The following GRXCR2 variants were observed in gnomAD, a reference collection of about 807,000 sequenced individuals.
The protein encoded by GRXCR2 is glutaredoxin domain-containing cysteine-rich protein 2.
In GRXCR2, 23 loss-of-function variants were observed where a neutral mutation model predicts 24.8. The observed-to-expected ratio is 0.93, with a 90% CI of 0.67 to 1.32. The LOEUF (loss-of-function observed/expected upper bound fraction) is 1.32. Ranked by LOEUF, GRXCR2 falls within the 40% of genes most tolerant of loss-of-function variation. The probability of loss-of-function intolerance (pLI) is 0.00; values close to 1 mark genes in which losing one functional copy is unlikely to be tolerated. For missense variants in GRXCR2, 315 were observed against 303.4 expected, an observed-to-expected ratio of 1.04 and a Z score of -0.28; for synonymous variants, 130 against 116.1, an observed-to-expected ratio of 1.12 and a Z score of -0.77.
chr5:145,905,052 A>G (rs978894641), intron 2 of GRXCR2, among the ~76,000 whole-genome samples: 1 of 152,196 alleles, frequency 6.6e-6, no homozygotes, highest in Non-Finnish European at 1.5e-5. Context: ...TCACACATCC[A>G]TGCTCAGAGC....
intron 2 of GRXCR2, among the ~76,000 whole-genome samples, chr5:145,881,941 T>A (rs1756708445): frequency 1.3e-5 from 2 of 152,192 alleles, no homozygotes; most frequent in Non-Finnish European, 2.9e-5. Context: ...ATTTCATAAA[T>A]GGTGCTGAGG....
In GRXCR2 at chr5:145,901,153, G is replaced by A. The variant is rs192321643; in HGVS notation, c.-69-34425C>T. Among the ~76,000 whole-genome samples, 749 of 141,800 alleles carry A rather than the reference G, an allele frequency of 5.3e-3. 5 individuals carry two copies. The highest frequency in any genetic ancestry group is 0.018 in the African/African-American group (695 of 39,494). The allele number at this position is 141,800 out of a possible 152,430, so 93.0% of individuals were successfully genotyped here. ...AGACACTGGGGACTACTAGAGGGGG[G>A]AAGGAGGGAGGGGGGCAAGAGTTGA... On this transcript the variant is annotated intron_variant, in intron 2 of 3. Transcript: ENST00000639411.
chr5:145,923,696 T>C (rs1225808153), intron 2 of GRXCR2, among the ~76,000 whole-genome samples: 1 of 152,214 alleles, frequency 6.6e-6, no homozygotes, highest in African/African-American at 2.4e-5. Flanking sequence ...ATCACTGGTA[T>C]GTATCCTTAC....
intron 2 of GRXCR2, among the ~76,000 whole-genome samples, chr5:145,883,910 C>T (rs1343231706): frequency 6.6e-6 from 1 of 152,126 alleles, no homozygotes; most frequent in Non-Finnish European, 1.5e-5. Context: ...AGTAAAATCC[C>T]TCATCACAAA....
intron 2 of GRXCR2, among the ~76,000 whole-genome samples, chr5:145,924,406 T>A (rs1221833313): frequency 2.0e-5 from 3 of 152,192 alleles, no homozygotes; most frequent in Non-Finnish European, 4.4e-5. Flanking sequence ...TTTATCTCAA[T>A]AATAATACTA....
chr5:145,897,681 T>G (rs449180), intron 2 of GRXCR2, among the ~76,000 whole-genome samples: 3,130 of 152,040 alleles, frequency 0.021, 107 homozygotes, highest in African/African-American at 0.072. Flanking sequence ...CAAAACCACA[T>G]AATAATATGG....
intron 2 of GRXCR2, among the ~76,000 whole-genome samples, chr5:145,897,672 A>C (rs1212309859): frequency 6.6e-6 from 1 of 152,152 alleles, no homozygotes; most frequent in East Asian, 1.9e-4. Context: ...AAGATATCTC[A>C]AAACCACATA....
chr5:145,859,710 A>C lies in GRXCR2; in HGVS notation c.*23T>G. The C allele has an allele frequency of 6.2e-7, 1 of 1,611,722 alleles. No homozygotes were observed. The highest frequency in any genetic ancestry group is 8.5e-7 in the Non-Finnish European group (1 of 1,177,872). On this transcript the variant is annotated 3_prime_UTR_variant, in exon 3 of 3. Coordinates refer to ENST00000377976, the MANE Select transcript of GRXCR2 (RefSeq NM_001080516.2). Reference sequence around the variant, plus strand: ...ATAACTTTAGGGAGGGTAAGATAACAGTGGACATGCAAAAGCCACGGGCTA... The same window carrying C: ...ATAACTTTAGGGAGGGTAAGATAACCGTGGACATGCAAAAGCCACGGGCTA...
chr5:145,903,040 G>A (rs997963141), intron 2 of GRXCR2, among the ~76,000 whole-genome samples: 1 of 151,906 alleles, frequency 6.6e-6, no homozygotes, highest in African/African-American at 2.4e-5. Context: ...ATGATTTTTT[G>A]CCTTAGAACA....
intron 2 of GRXCR2, among the ~76,000 whole-genome samples, chr5:145,865,611 AAG>A (rs1561675868): frequency 6.6e-6 from 1 of 152,206 alleles, no homozygotes. Flanking sequence ...ACCCTGGAGT[AAG>A]AGTGATGTTC....
intron 2 of GRXCR2, among the ~76,000 whole-genome samples, chr5:145,894,644 G>C (rs1005788904): frequency 4.6e-5 from 7 of 152,106 alleles, no homozygotes; most frequent in Admixed American, 2.0e-4. Context: ...ATAGTTAATA[G>C]CTTACCAACC....
chr5:145,913,710 ACACCGTTT>A (rs1220233168), intron 2 of GRXCR2, among the ~76,000 whole-genome samples: 1 of 152,130 alleles, frequency 6.6e-6, no homozygotes, highest in Non-Finnish European at 1.5e-5. Flanking sequence ...ATAAATAGAG[ACACCGTTT>A]CATCATGTCG....
At chr5:145,882,304 G>T (rs1756713794) in intron 2 of GRXCR2, among the ~76,000 whole-genome samples, 1 of 152,120 alleles carries the variant, frequency 6.6e-6, no homozygotes, top group South Asian at 2.1e-4. Flanking sequence ...AATCTACAAT[G>T]AACTCAAACA....
chr5:145,859,716 C>T lies in GRXCR2; in HGVS notation c.*17G>A, dbSNP rs376451689. 11 of 1,612,850 alleles carry T rather than the reference C, an allele frequency of 6.8e-6. No homozygotes were observed. In the Admixed American group the frequency reaches 1.5e-4, roughly 22 times the overall value. ...TTAGGGAGGGTAAGATAACAGTGGA[C>T]ATGCAAAAGCCACGGGCTATTGATT... On this transcript the variant is annotated 3_prime_UTR_variant, in exon 3 of 3. Coordinates refer to ENST00000377976, the MANE Select transcript of GRXCR2 (RefSeq NM_001080516.2).
chr5:145,898,643 A>C (rs537819622), intron 2 of GRXCR2, among the ~76,000 whole-genome samples: 1 of 152,300 alleles, frequency 6.6e-6, no homozygotes, highest in South Asian at 2.1e-4. Context: ...ACAAGTAATA[A>C]ATGTAATTCA....
chr5:145,879,956 C>A (rs549220096), intron 2 of GRXCR2, among the ~76,000 whole-genome samples: 1 of 152,030 alleles, frequency 6.6e-6, no homozygotes, highest in Non-Finnish European at 1.5e-5. Flanking sequence ...GGGTAAATAA[C>A]GAAATGAAGG....
chr5:145,926,671 A>G (rs557299066), intron 2 of GRXCR2, among the ~76,000 whole-genome samples: 2 of 152,138 alleles, frequency 1.3e-5, no homozygotes, highest in Non-Finnish European at 2.9e-5. Context: ...TGATGCCTCC[A>G]GCTTTGTTCT....
chr5:145,901,635 T>C (rs1757022841), intron 2 of GRXCR2, among the ~76,000 whole-genome samples: 1 of 151,958 alleles, frequency 6.6e-6, no homozygotes, highest in Non-Finnish European at 1.5e-5. Context: ...GTGGGGTAAA[T>C]TGCAACTAAA....
intron 2 of GRXCR2, among the ~76,000 whole-genome samples, chr5:145,898,456 A>G (rs1408424376): frequency 6.6e-6 from 1 of 152,098 alleles, no homozygotes; most frequent in Admixed American, 6.6e-5. Flanking sequence ...AGCCAGCATC[A>G]CCCTGATACA....
Sources: allele counts gnomAD v4.1 joint callset (sites outside exome capture counted in the v4.1 genomes callset), GRCh38; gene constraint gnomAD v4.1.1; transcripts MANE v1.5; gene names NCBI Gene and HGNC (gene_info 2026-07-23, HGNC 2026-07-21).